The following PHIP variants were observed in gnomAD, a reference collection of about 807,000 sequenced individuals.
PHIP encodes the protein PHIP subunit of CUL4-Ring ligase complex.
PHIP carries 54 observed loss-of-function variants against 236.8 expected under a neutral mutation model. The observed-to-expected ratio is 0.23, with a 90% CI of 0.18 to 0.29. PHIP has a LOEUF of 0.29. Among genes scored for constraint, PHIP ranks in the 10% least tolerant of loss-of-function variants. PHIP has a pLI of 1.00. For synonymous variants in PHIP, 756 were observed against 718.9 expected (o/e 1.05, Z -0.83); for missense variants, 1,370 against 2,190.8 (o/e 0.63, Z 7.48).
intron 19 of PHIP, among the ~76,000 whole-genome samples, chr6:78,993,172 T>C (rs1305255142): frequency 6.6e-6 from 1 of 152,114 alleles, no homozygotes; most frequent in East Asian, 1.9e-4. Context: ...TCTATGAAGG[T>C]TGGAAGAGGG....
intron 15 of PHIP, among the ~76,000 whole-genome samples, 191 bp from the exon 16 acceptor site, chr6:79,004,049 A>G (rs780169723): frequency 6.6e-6 from 1 of 152,110 alleles, no homozygotes; most frequent in South Asian, 2.1e-4. Flanking sequence ...TGAAAAATAA[A>G]GTATTCTATC....
chr6:78,956,775 T>A (rs1246741767), intron 32 of PHIP: 1 of 152,118 alleles, frequency 6.6e-6, no homozygotes, highest in African/African-American at 2.4e-5. Context: ...TCCTCCCCTG[T>A]ATCTGAATCC....
At position 78,941,043 on chromosome 6, in the gene PHIP, A is replaced by G. The variant is rs1773475891; in HGVS notation, c.5116T>C (p.Leu1706=). The change falls in exon 40 of 40, where the codon TTA becomes CTA. Residue 1706 remains leucine (L), a synonymous_variant. Transcript: ENST00000275034. The stretch of plus-strand genomic sequence containing the variant: ...CTACCTCCACGATTCTTTTTCTGTA[A>G]CAAATCTTCCTTTACATTATTAGTT... ...SETNNVKEDL[L]QKKNRGGRKP... is the part of the protein sequence containing the mutation. 1.2e-6 allele frequency: 2 copies of G among 1,614,044 alleles called. No individual in the cohort carries two copies. Among genetic ancestry groups the G allele is most frequent in the African/African-American group, 1.3e-5 (1 of 75,058 alleles).
chr6:79,005,490 A>G (rs1770239233), intron 15 of PHIP, among the ~76,000 whole-genome samples: 1 of 152,026 alleles, frequency 6.6e-6, no homozygotes, highest in South Asian at 2.1e-4. Flanking sequence ...ACATGAACAA[A>G]GTACACCTCT....
intron 9 of PHIP, among the ~76,000 whole-genome samples, chr6:79,024,506 A>G (rs1771286980): frequency 6.6e-6 from 1 of 152,130 alleles, no homozygotes; most frequent in South Asian, 2.1e-4. Context: ...ACATCCACTT[A>G]AAAGATATGG....
chr6:79,034,011 G>T (rs1347495701), intron 7 of PHIP, among the ~76,000 whole-genome samples: 1 of 152,006 alleles, frequency 6.6e-6, no homozygotes, highest in African/African-American at 2.4e-5. Flanking sequence ...TCGCCATAAG[G>T]GTGCAGGTCA....
chr6:78,948,079 C>T (rs1449280103), intron 35 of PHIP, among the ~76,000 whole-genome samples: 1 of 152,014 alleles, frequency 6.6e-6, no homozygotes, highest in East Asian at 1.9e-4. Flanking sequence ...AAGGAAAAAG[C>T]CCAGCTCTAC....
rs754990621 is a variant in PHIP at position 78,990,933 on chromosome 6, T to C, written c.2254A>G (p.Arg752Gly). 9.3e-6 allele frequency: 15 copies of C among 1,611,822 alleles called. No individual in the cohort carries two copies. The African/African-American group carries it at 1.6e-4, about 17-fold the overall frequency. Residue 752 changes from arginine to glycine, a missense_variant, in exon 20 of 40, where the codon AGG (arginine) becomes GGG (glycine). Transcript: ENST00000275034. The stretch of plus-strand genomic sequence containing the variant: ...AAGTGTTTTCTTTTCTCTTCTGACC[T>C]GTAAGTCTTTATTTCTTCTTCTCCC... The part of the protein sequence containing the change: ...AKGEEEIKTY[R>G]SEEKRKHLTV...
In PHIP at chr6:79,052,247, T is replaced by C. The variant is rs1032808986; in HGVS notation, c.439+8231A>G. Reference sequence around the variant, plus strand: ...GACATTTAAACTAAGACCTGAAAAATGAACAGCCACAGAATGCTGATGTGA... The same window carrying C: ...GACATTTAAACTAAGACCTGAAAAACGAACAGCCACAGAATGCTGATGTGA... On this transcript the variant is annotated intron_variant, in intron 6 of 39. Coordinates refer to ENST00000275034, the MANE Select transcript of PHIP (RefSeq NM_017934.7). Among the ~76,000 whole-genome samples the C allele has an allele frequency of 3.9e-5, 6 of 152,128 alleles. No individual in the cohort carries two copies. The East Asian group carries it at 7.7e-4, about 20-fold the overall frequency.
At position 79,003,815 on chromosome 6, in the gene PHIP, G is replaced by C; in HGVS notation, c.1568C>G (p.Ser523Cys). Residue 523 changes from serine (S) to cysteine (C), a missense_variant, in exon 16 of 40, where the codon TCT (serine) becomes TGT (cysteine). By Grantham distance (112) the Ser-to-Cys change is moderately radical. Around this residue, in one of 14 missense-constraint regions of PHIP, gnomAD observed 188 missense variants for 354.3 expected, o/e 0.53. Transcript: ENST00000275034. ...GCATGCAAAATGCTGACCATCAGGA[G>C]AGCATTTGCAGTCAAATACTGCGCC... is the stretch of plus-strand genomic sequence containing the variant. The part of the protein sequence containing the change: ...GHGAVFDCKC[S>C]PDGQHFACTD... 4 of 1,608,844 alleles carry C rather than the reference G, an allele frequency of 2.5e-6. No individual in the cohort carries two copies. Among genetic ancestry groups the C allele is most frequent in the Non-Finnish European group, 3.4e-6 (4 of 1,176,310 alleles).
At chr6:78,979,448 T>C (rs552506706) in intron 23 of PHIP, among the ~76,000 whole-genome samples, 1 of 152,052 alleles carries the variant, frequency 6.6e-6, no homozygotes, top group African/African-American at 2.4e-5. Context: ...ATCCTAGTTA[T>C]AGTAAGTTAC....
intron 35 of PHIP, among the ~76,000 whole-genome samples, chr6:78,947,999 C>A (rs1389041817): frequency 5.9e-5 from 9 of 151,742 alleles, no homozygotes. Context: ...TTCAAGAACA[C>A]AGAAGTTATT....
intron 35 of PHIP, among the ~76,000 whole-genome samples, chr6:78,953,587 C>T (rs1766203106): frequency 6.6e-6 from 1 of 152,164 alleles, no homozygotes; most frequent in Non-Finnish European, 1.5e-5. Context: ...TTCTAATTAG[C>T]TCAATTTATC....
chr6:78,945,166 A>G lies in PHIP; in HGVS notation c.4828+134T>C, dbSNP rs76962186. 2.6e-3 allele frequency: 1,701 copies of G among 659,404 alleles called. 22 individuals are homozygous for G. The highest frequency in any genetic ancestry group is 0.025 in the African/African-American group (1,355 of 54,912). The allele number at this position is 659,404 out of a possible 1,614,324, so 40.8% of individuals were successfully genotyped here. ...TGGCACAATAATAGCTCATTGCAGTAAATTTATCAACTAATACAGATGTGT... is the reference window on the plus strand; with the variant it reads ...TGGCACAATAATAGCTCATTGCAGTGAATTTATCAACTAATACAGATGTGT... On this transcript the variant is annotated intron_variant, in intron 39 of 39. Transcript: ENST00000275034.
chr6:79,017,547 A>T lies in PHIP; in HGVS notation c.1031T>A (p.Ile344Asn). ...TGATCCAAAAAAATAAACCCGAATAATATGATCTGTGCTTCCCGTCGCCAG... is the reference window on the plus strand; with the variant it reads ...TGATCCAAAAAAATAAACCCGAATATTATGATCTGTGCTTCCCGTCGCCAG... ...MFLATGSTDH[I>N]IRVYFFGSGQ... The change falls in exon 11 of 40, where the codon ATT becomes AAT. Residue 344 changes from isoleucine (I) to asparagine (N), a missense_variant. Physicochemically the swap from Ile to Asn is moderately radical, Grantham distance 149 (BLOSUM62 -3). This residue lies in a region of PHIP where 188 missense variants were observed against 354.3 expected (regional missense o/e 0.53). Transcript: ENST00000275034. The T allele has an allele frequency of 6.2e-7, 1 of 1,612,300 alleles. No individual in the cohort carries two copies.
chr6:78,965,787 T>A, intron 28 of PHIP, 23 bp from the exon 29 acceptor site: 1 of 1,384,858 alleles, frequency 7.2e-7, no homozygotes, highest in Non-Finnish European at 1.0e-6. Flanking sequence ...AAAATCATTA[T>A]ATTAAAAAAT....
intron 35 of PHIP, among the ~76,000 whole-genome samples, chr6:78,953,783 A>G (rs1315263620): frequency 6.6e-6 from 1 of 152,114 alleles, no homozygotes; most frequent in Non-Finnish European, 1.5e-5. Flanking sequence ...ACGGGATTTT[A>G]CCATGTTGGT....
Position 79,078,180 on chromosome 6 carries a change from C to G in PHIP, c.-112G>C. On this transcript the variant is annotated 5_prime_UTR_variant, in exon 1 of 40. Coordinates refer to ENST00000275034, the MANE Select transcript of PHIP (RefSeq NM_017934.7). Reference sequence around the variant, plus strand: ...CAGTGTGTGTTCACGAGCCGAGCTTCGGCTCCACCATTCAAGCAACGGCGG... The same window carrying G: ...CAGTGTGTGTTCACGAGCCGAGCTTGGGCTCCACCATTCAAGCAACGGCGG... The G allele has an allele frequency of 9.4e-7, 1 of 1,060,332 alleles. No individual in the cohort carries two copies. The highest frequency in any genetic ancestry group is 1.4e-6 in the Non-Finnish European group (1 of 726,824). The allele number at this position is 1,060,332 out of a possible 1,614,324, so 65.7% of individuals were successfully genotyped here.
chr6:78,951,297 T>C (rs1297256728), intron 35 of PHIP, among the ~76,000 whole-genome samples: 3 of 152,186 alleles, frequency 2.0e-5, no homozygotes, highest in Non-Finnish European at 4.4e-5. Flanking sequence ...CCATGTAGTA[T>C]AGTACATAAT....
Sources: allele counts gnomAD v4.1 joint callset (sites outside exome capture counted in the v4.1 genomes callset), GRCh38; gene constraint gnomAD v4.1.1; regional missense constraint gnomAD v4.1.1; transcripts MANE v1.5; gene names NCBI Gene and HGNC (gene_info 2026-07-23, HGNC 2026-07-21).